Variants in COL23A1 observed in about 807,000 individuals in gnomAD.
COL23A1 encodes collagen type XXIII alpha 1 chain, also known as collagen alpha-1(XXIII) chain.
In COL23A1, 97 loss-of-function variants were observed where a neutral mutation model predicts 99.3. The ratio of observed to expected loss-of-function variants is 0.98; its 90% CI spans 0.83 to 1.16. COL23A1 has a LOEUF of 1.16. COL23A1 is among the 50% of genes most tolerant of loss of function. COL23A1 has a pLI of 0.00. For missense variants in COL23A1, 762 were observed against 757.4 expected, an observed-to-expected ratio of 1.01 and a Z score of -0.07; for synonymous variants, 320 against 308.2, an observed-to-expected ratio of 1.04 and a Z score of -0.40.
chr5:178,567,524 C>T lies in COL23A1; in HGVS notation c.295-6776G>A, dbSNP rs553571874. ...TTGGGACACCAGGACGGGCAGATTA[C>T]TTGAGGTCAGGAGTTCAACACCAGC... is the stretch of plus-strand genomic sequence containing the variant. On this transcript the variant is annotated intron_variant, in intron 1 of 28. Transcript: ENST00000390654. Among the ~76,000 whole-genome samples, 3 of 152,280 alleles carry T rather than the reference C, an allele frequency of 2.0e-5. No individual in the cohort carries two copies. The East Asian group carries it at 5.8e-4, about 29-fold the overall frequency.
intron 2 of COL23A1, among the ~76,000 whole-genome samples, chr5:178,335,416 T>A (rs1760262444): frequency 6.6e-6 from 1 of 151,796 alleles, no homozygotes; most frequent in African/African-American, 2.4e-5. Context: ...GGAAGAGCGG[T>A]CCCCCTGCGC....
chr5:178,387,032 G>C lies in COL23A1; in HGVS notation c.362-80113C>G, dbSNP rs777632875. ...CCTCTGGACTTCAGCTCCAGGTTTC[G>C]TCTCTCGCTCCAGGCTTCCTGCTGT... On this transcript the variant is annotated intron_variant, in intron 2 of 28. Transcript: ENST00000390654. This position sits in a 1 kb window ranked among gnomAD's most constrained non-coding sequence, Gnocchi z 4.7. 1.3e-5 allele frequency among the ~76,000 whole-genome samples: 2 copies of C among 152,044 alleles called. No homozygotes were observed. The highest frequency in any genetic ancestry group is 3.9e-4 in the East Asian group (2 of 5,188).
intron 2 of COL23A1, among the ~76,000 whole-genome samples, chr5:178,410,416 T>C (rs977991272): frequency 2.0e-5 from 3 of 152,126 alleles, no homozygotes; most frequent in African/African-American, 7.2e-5. Context: ...ATAGCCAAAA[T>C]AATCTTGAAA....
chr5:178,256,971 A>C (rs1765337044), intron 13 of COL23A1, 43 bp from the exon 14 acceptor site: 2 of 1,596,044 alleles, frequency 1.3e-6, no homozygotes, highest in Admixed American at 1.7e-5. Context: ...GTGAGACGGC[A>C]CGTGGCGGGT....
At chr5:178,321,183 G>A (rs72820927) in intron 2 of COL23A1, among the ~76,000 whole-genome samples, 8 of 152,328 alleles carry the variant, frequency 5.3e-5, no homozygotes, top group East Asian at 1.9e-4. Context: ...TTGAGTGGAC[G>A]GTTGAGCGGC....
In COL23A1 at chr5:178,514,175, G is replaced by A. The variant is rs182222182; in HGVS notation, c.361+46507C>T. 1.8e-3 allele frequency among the ~76,000 whole-genome samples: 275 copies of A among 152,274 alleles called. 1 individual carries two copies. Among genetic ancestry groups the A allele is most frequent in the Admixed American group, 2.9e-3 (45 of 15,288 alleles). Reference sequence around the variant, plus strand: ...ACTCAGGCTGTATTTGTCCTTCTGCGTCTGGCTTATTTCACTCAGCATGAT... The same window carrying A: ...ACTCAGGCTGTATTTGTCCTTCTGCATCTGGCTTATTTCACTCAGCATGAT... On this transcript the variant is annotated intron_variant, in intron 2 of 28. Coordinates refer to ENST00000390654, the MANE Select transcript of COL23A1 (RefSeq NM_173465.4).
chr5:178,241,641 G>T lies in COL23A1; in HGVS notation c.1581+401C>A, dbSNP rs981961877. ...ACTTTGGTTCCCTCCGCAGGGCCCA[G>T]CCCCCTCCCAGGGCACCGCTGATGG... On this transcript the variant is annotated intron_variant, in intron 27 of 28. Coordinates refer to ENST00000390654, the MANE Select transcript of COL23A1 (RefSeq NM_173465.4). Among the ~76,000 whole-genome samples, 63 of 152,310 alleles carry T rather than the reference G, an allele frequency of 4.1e-4. 1 individual carries two copies. The highest frequency in any genetic ancestry group is 1.5e-3 in the African/African-American group (61 of 41,570).
rs143818095 is a variant in COL23A1, at chr5:178,446,708, T to C, written c.361+113974A>G. On this transcript the variant is annotated intron_variant, in intron 2 of 28. Transcript: ENST00000390654. ...CAATTTTGCAACAAAACTTCATGTT[T>C]TATGACCTTGTGAATCTATCCCAAA... Among the ~76,000 whole-genome samples the C allele has an allele frequency of 2.0e-5, 3 of 152,340 alleles. No individual in the cohort carries two copies. In the East Asian group the frequency reaches 5.8e-4, roughly 29 times the overall value.
intron 2 of COL23A1, among the ~76,000 whole-genome samples, chr5:178,359,475 CTGAGA>C (rs1762059970): frequency 6.6e-6 from 1 of 152,182 alleles, no homozygotes. Context: ...TTGCAGTGAG[CTGAGA>C]TCACACCACT....
intron 2 of COL23A1, among the ~76,000 whole-genome samples, chr5:178,424,111 C>G (rs73803092): frequency 6.6e-6 from 1 of 152,138 alleles, no homozygotes; most frequent in Non-Finnish European, 1.5e-5. Context: ...GGAAGTAACG[C>G]GCTTGCTCCC....
chr5:178,406,440 TTTTTCTTGAGACGGAGTC>T (rs1764767136), intron 2 of COL23A1, among the ~76,000 whole-genome samples: 1 of 151,818 alleles, frequency 6.6e-6, no homozygotes, highest in Admixed American at 6.6e-5. Context: ...TTTTTTTTTT[TTTTTCTTGAGACGGAGTC>T]TCGCTCTGTC....
intron 2 of COL23A1, among the ~76,000 whole-genome samples, chr5:178,429,123 AT>A (rs1176923397): frequency 6.6e-6 from 1 of 152,166 alleles, no homozygotes; most frequent in Non-Finnish European, 1.5e-5. Flanking sequence ...GCACCAGGGC[AT>A]TTCAGCGCCT....
chr5:178,506,771 G>A (rs766568322), intron 2 of COL23A1, among the ~76,000 whole-genome samples: 1 of 152,106 alleles, frequency 6.6e-6, no homozygotes, highest in African/African-American at 2.4e-5. Flanking sequence ...ATATATCATA[G>A]TTTCAAAACA....
At position 178,284,796 on chromosome 5, in the gene COL23A1, T is replaced by C. The variant is rs151194852; in HGVS notation, c.441+3528A>G. Among the ~76,000 whole-genome samples the C allele has an allele frequency of 4.6e-3, 694 of 152,282 alleles. 7 individuals carry two copies. Among genetic ancestry groups the C allele is most frequent in the African/African-American group, 0.016 (668 of 41,558 alleles). ...GTACAAAAAAGTATGTCCAATGTAA[T>C]TGTATTTTAGATTATGAGACTGACG... On this transcript the variant is annotated intron_variant, in intron 5 of 28. Coordinates refer to ENST00000390654, the MANE Select transcript of COL23A1 (RefSeq NM_173465.4).
At chr5:178,449,283 G>A (rs1267328788) in intron 2 of COL23A1, among the ~76,000 whole-genome samples, 1 of 152,148 alleles carries the variant, frequency 6.6e-6, no homozygotes, top group Non-Finnish European at 1.5e-5. Context: ...CCTGTGTCTG[G>A]CCCTGTCTTC....
chr5:178,388,361 G>A (rs964600049), intron 2 of COL23A1, among the ~76,000 whole-genome samples: 1 of 152,242 alleles, frequency 6.6e-6, no homozygotes, highest in Admixed American at 6.5e-5. Flanking sequence ...CAAAGGTGAA[G>A]AAAGGCCAGA....
chr5:178,455,176 A>G (rs570716140), intron 2 of COL23A1, among the ~76,000 whole-genome samples: 105 of 152,214 alleles, frequency 6.9e-4, no homozygotes, highest in Non-Finnish European at 1.3e-3. Flanking sequence ...AACTCCTGCA[A>G]TCTTTCCGGG....
At chr5:178,276,887 C>T (rs1046213886) in intron 5 of COL23A1, among the ~76,000 whole-genome samples, 1 of 152,212 alleles carries the variant, frequency 6.6e-6, no homozygotes, top group African/African-American at 2.4e-5. Context: ...CACCTCAACT[C>T]AGCAAACTGT....
At chr5:178,586,596 C>A (rs61216284) in intron 1 of COL23A1, among the ~76,000 whole-genome samples, 14,910 of 140,048 alleles carry the variant, frequency 0.11, 1,077 homozygotes, top group East Asian at 0.36. Flanking sequence ...AAAGCTCTCC[C>A]AAACTGTTGC....
Sources: gnomAD v4.1 joint callset for allele counts (sites outside exome capture counted in the v4.1 genomes callset) on GRCh38, gnomAD v4.1.1 for gene constraint, Gnocchi (gnomAD v3.1) non-coding constraint, MANE v1.5 for transcripts, NCBI Gene and HGNC (gene_info 2026-07-23, HGNC 2026-07-21) for gene names.